The following ZWILCH variants were observed in gnomAD, a reference collection of about 807,000 sequenced individuals.
ZWILCH encodes the protein zwilch kinetochore protein.
A neutral mutation model predicts 79.9 loss-of-function variants in ZWILCH; 74 were observed. That is an observed-to-expected ratio of 0.93 (90% confidence interval 0.77 to 1.12). The LOEUF is 1.12. ZWILCH is among the 50% of genes most tolerant of loss of function. The probability of loss-of-function intolerance (pLI) is 0.00; values close to 1 mark genes in which losing one functional copy is unlikely to be tolerated. For missense variants in ZWILCH, 694 were observed against 687.5 expected (o/e 1.01, Z -0.11); for synonymous variants, 241 against 228.2 (o/e 1.06, Z -0.51).
chr15:66,513,962 A>G (rs1894164160), intron 2 of ZWILCH, 26 bp from the exon 3 acceptor site: 1 of 1,546,072 alleles, frequency 6.5e-7, no homozygotes. Flanking sequence ...TGTATGTATA[A>G]TGTTGCTCGA....
chr15:66,512,642 C>T (rs1894111049), intron 2 of ZWILCH, among the ~76,000 whole-genome samples: 1 of 152,186 alleles, frequency 6.6e-6, no homozygotes, highest in African/African-American at 2.4e-5. Flanking sequence ...GAATCTCACT[C>T]TGTTGCCCAG....
intron 18 of ZWILCH, chr15:66,547,381 G>A (rs1430840689): frequency 6.6e-6 from 1 of 151,500 alleles, no homozygotes; most frequent in Non-Finnish European, 1.5e-5. Context: ...TGTATTTTTA[G>A]TAGAGACATT....
At chr15:66,541,699 C>T (rs1895196916) in intron 17 of ZWILCH, among the ~76,000 whole-genome samples, 1 of 152,192 alleles carries the variant, frequency 6.6e-6, no homozygotes, top group South Asian at 2.1e-4. Context: ...TATCTTCATG[C>T]ACGTGGGTTG....
chr15:66,532,143 G>C, intron 12 of ZWILCH, 104 bp from the exon 13 acceptor site: 2 of 852,780 alleles, frequency 2.3e-6, no homozygotes, highest in Non-Finnish European at 3.4e-6. Flanking sequence ...AGGAATGCAA[G>C]CTTATAATTT....
At position 66,548,404 on chromosome 15, in the gene ZWILCH, C is replaced by T. The variant is rs149376245; in HGVS notation, c.*80C>T. ...AGGTAATTATTGTAGAACCTGAAAA[C>T]AGCAATGTATGGAAACCCTCAAAGC... On this transcript the variant is annotated 3_prime_UTR_variant, in exon 19 of 19. Transcript: ENST00000307897. 1,133 of 574,580 alleles carry T rather than the reference C, an allele frequency of 2.0e-3. 11 individuals are homozygous for T. The highest frequency in any genetic ancestry group is 0.019 in the African/African-American group (1,026 of 53,220). 35.6% of individuals were successfully genotyped at this position (574,580 alleles called of 1,614,324 possible).
At chr15:66,540,438 A>G (rs1331903827) in intron 17 of ZWILCH, among the ~76,000 whole-genome samples, 2 of 152,008 alleles carry the variant, frequency 1.3e-5, no homozygotes, top group Non-Finnish European at 2.9e-5. Context: ...CTGTAGTCCC[A>G]ACTACTCACG....
intron 3 of ZWILCH, 88 bp from the exon 4 acceptor site, chr15:66,515,438 C>A: frequency 1.2e-6 from 1 of 829,882 alleles, no homozygotes; most frequent in Non-Finnish European, 1.9e-6. Context: ...TTATGTTCTA[C>A]TTGTCATTAT....
At chr15:66,528,112 T>C (rs72752448) in intron 10 of ZWILCH, among the ~76,000 whole-genome samples, 200 bp downstream of exon 10, 21 of 152,262 alleles carry the variant, frequency 1.4e-4, no homozygotes, top group Non-Finnish European at 2.5e-4. Flanking sequence ...TTAATTATTA[T>C]TATTTTTTTG....
intron 17 of ZWILCH, among the ~76,000 whole-genome samples, chr15:66,540,538 G>A (rs1343390496): frequency 6.6e-6 from 1 of 151,550 alleles, no homozygotes; most frequent in African/African-American, 2.4e-5. Flanking sequence ...GGGCAACAGA[G>A]TGAGACTCTG....
At chr15:66,545,387 A>G (rs1347483098) in intron 17 of ZWILCH, among the ~76,000 whole-genome samples, 4 of 152,140 alleles carry the variant, frequency 2.6e-5, no homozygotes, top group African/African-American at 9.7e-5. Context: ...TTTTGTAGAG[A>G]TTAGAGTTCT....
intron 12 of ZWILCH, among the ~76,000 whole-genome samples, chr15:66,530,972 T>C (rs912064481): frequency 2.0e-5 from 3 of 152,208 alleles, no homozygotes; most frequent in African/African-American, 7.2e-5. Context: ...AACCTTACCA[T>C]GTACTATTAG....
chr15:66,508,678 CT>C lies in ZWILCH; in HGVS notation c.54-156del. On this transcript the variant is annotated intron_variant, in intron 1 of 18. Coordinates refer to ENST00000307897, the MANE Select transcript of ZWILCH (RefSeq NM_017975.5). ...TTCTTAACCTAATGCTTCTTTTCTG[CT>C]TTTTTTCTCTCTCTGCAACTACATC... The C allele has an allele frequency of 1.5e-6, 2 of 1,346,062 alleles. 1 individual carries two copies. The highest frequency in any genetic ancestry group is 3.0e-5 in the African/African-American group (2 of 67,716). 83.4% of individuals were successfully genotyped at this position (1,346,062 alleles called of 1,614,324 possible).
At chr15:66,525,231 A>T (rs1894630456) in intron 8 of ZWILCH, among the ~76,000 whole-genome samples, 1 of 151,986 alleles carries the variant, frequency 6.6e-6, no homozygotes, top group South Asian at 2.1e-4. Context: ...AGAAGCTGCC[A>T]CTCTGCTGTG....
In ZWILCH at chr15:66,523,701, C is replaced by T. The variant is rs1360224806; in HGVS notation, c.772C>T (p.Pro258Ser). Residue 258 changes from proline to serine, a missense_variant, in exon 8 of 19, where the codon CCC becomes TCC. Pro to Ser is a moderately conservative substitution (Grantham distance 74, BLOSUM62 -1). Coordinates refer to ENST00000307897, the MANE Select transcript of ZWILCH (RefSeq NM_017975.5). ...GAATATTAAAGTGGAATCAGGAGAG[C>T]CCAGAGGTCCTTTGAATCATCTCTA... ...TLNIKVESGE[P>S]RGPLNHLYRE... 6.2e-7 allele frequency: 1 copy of T among 1,611,994 alleles called. No individual in the cohort carries two copies. The highest frequency in any genetic ancestry group is 8.5e-7 in the Non-Finnish European group (1 of 1,178,630).
intron 2 of ZWILCH, among the ~76,000 whole-genome samples, chr15:66,509,489 G>A (rs1168865439): frequency 2.0e-5 from 3 of 152,000 alleles, no homozygotes; most frequent in African/African-American, 7.3e-5. Context: ...CTATGTTGTT[G>A]TGAGTATCAA....
intron 17 of ZWILCH, among the ~76,000 whole-genome samples, chr15:66,543,701 G>A (rs575101563): frequency 7.9e-5 from 12 of 151,932 alleles, no homozygotes; most frequent in Non-Finnish European, 1.6e-4. Flanking sequence ...AGGCTGCAGT[G>A]AGCTGAGGTT....
intron 12 of ZWILCH, among the ~76,000 whole-genome samples, chr15:66,531,698 C>G (rs1894857539): frequency 6.7e-6 from 1 of 148,934 alleles, no homozygotes; most frequent in South Asian, 2.3e-4. Context: ...CTCAAGTGAT[C>G]TACCCTCGTC....
At position 66,533,843 on chromosome 15, in the gene ZWILCH, G is replaced by A. The variant is rs189113317; in HGVS notation, c.1341+830G>A. Among the ~76,000 whole-genome samples the A allele has an allele frequency of 5.3e-5, 8 of 152,110 alleles. No individual in the cohort carries two copies. The East Asian group carries it at 1.5e-3, about 29-fold the overall frequency. On this transcript the variant is annotated intron_variant, in intron 14 of 18. Transcript: ENST00000307897. ...GAAAATGTTTAAAAAAAATACGCTG[G>A]GCACAGTGGCTCCCTCCTGTAATCC...
In ZWILCH at chr15:66,527,421, G is replaced by A. The variant is rs1595914853; in HGVS notation, c.913+38G>A. ...TTTTATTAATTGAGAATTTATACTT[G>A]CTATGTTTAAATATAAGTTTCTCTT... On this transcript the variant is annotated intron_variant, in intron 9 of 18. Transcript: ENST00000307897. The A allele has an allele frequency of 1.2e-5, 17 of 1,455,048 alleles. No individual in the cohort carries two copies. The East Asian group carries it at 3.6e-4, about 31-fold the overall frequency. The allele number at this position is 1,455,048 out of a possible 1,614,324, so 90.1% of individuals were successfully genotyped here. A position where few individuals can be genotyped will look rare whatever the true frequency, so the allele number is the denominator to read the frequency against.
Sources: allele counts gnomAD v4.1 joint callset (sites outside exome capture counted in the v4.1 genomes callset), GRCh38; gene constraint gnomAD v4.1.1; transcripts MANE v1.5; gene names NCBI Gene and HGNC (gene_info 2026-07-23, HGNC 2026-07-21).